The following MACROD2 variants were observed in gnomAD, a reference collection of about 807,000 sequenced individuals.
MACROD2 encodes the protein mono-ADP ribosylhydrolase 2.
A neutral mutation model predicts 70.4 loss-of-function variants in MACROD2; 36 were observed. The ratio of observed to expected loss-of-function variants is 0.51; its 90% confidence interval spans 0.39 to 0.68. The LOEUF (loss-of-function observed/expected upper bound fraction) is 0.68. MACROD2 is among the 30% of genes least tolerant of loss of function. The pLI is 0.00. For synonymous variants in MACROD2, 172 were observed against 178.8 expected, an observed-to-expected ratio of 0.96 and a Z score of 0.30; for missense variants, 496 against 538.4, an observed-to-expected ratio of 0.92 and a Z score of 0.78.
chr20:15,853,228 C>A (rs1477996123), intron 8 of MACROD2, among the ~76,000 whole-genome samples: 1 of 152,080 alleles, frequency 6.6e-6, no homozygotes, highest in Non-Finnish European at 1.5e-5. Flanking sequence ...TGCAAACAAG[C>A]AACTGATGTT....
At chr20:14,731,964 T>C (rs1488172065) in intron 5 of MACROD2, among the ~76,000 whole-genome samples, 3 of 152,202 alleles carry the variant, frequency 2.0e-5, no homozygotes, top group African/African-American at 7.2e-5. Flanking sequence ...ATCTGTATTG[T>C]TAATCTTTAC....
chr20:15,296,541 G>GT (rs1406473268), intron 6 of MACROD2, among the ~76,000 whole-genome samples: 1 of 151,992 alleles, frequency 6.6e-6, no homozygotes, highest in African/African-American at 2.4e-5. Context: ...AGGGAAGTGA[G>GT]TAGAGGCATA....
At chr20:14,308,933 G>A (rs1240859096) in intron 3 of MACROD2, among the ~76,000 whole-genome samples, 1 of 152,126 alleles carries the variant, frequency 6.6e-6, no homozygotes, top group African/African-American at 2.4e-5. Context: ...TCTAATGGAA[G>A]AGTTGGCTTT....
chr20:15,021,215 C>CACGTGTGTGT (rs2075174066), intron 5 of MACROD2, among the ~76,000 whole-genome samples: 4 of 14,356 alleles, frequency 2.8e-4, no homozygotes, highest in African/African-American at 8.1e-4. Flanking sequence ...TATGTATACA[C>CACGTGTGTGT]ATACAGGTGT....
intron 8 of MACROD2, among the ~76,000 whole-genome samples, chr20:15,519,345 C>T (rs1399840549): frequency 1.3e-5 from 2 of 151,988 alleles, no homozygotes; most frequent in Admixed American, 6.6e-5. Flanking sequence ...AGGATGGCCT[C>T]GATCTCCTTA....
intron 6 of MACROD2, among the ~76,000 whole-genome samples, chr20:15,243,976 G>C (rs907887716): frequency 6.6e-6 from 1 of 151,632 alleles, no homozygotes; most frequent in African/African-American, 2.4e-5. Flanking sequence ...TAAAACACAG[G>C]CTTTATTAAA....
chr20:14,996,280 TC>T (rs749509952), intron 5 of MACROD2, among the ~76,000 whole-genome samples: 22 of 152,154 alleles, frequency 1.4e-4, no homozygotes, highest in Non-Finnish European at 2.8e-4. Flanking sequence ...AATGGGAACT[TC>T]CGGAGGTCAG....
intron 9 of MACROD2, among the ~76,000 whole-genome samples, chr20:15,863,681 C>T (rs2064455394): frequency 6.6e-6 from 1 of 152,154 alleles, no homozygotes; most frequent in South Asian, 2.1e-4. Flanking sequence ...TTTGTCATAT[C>T]ACAGGTGACT....
chr20:15,012,978 C>G (rs2075094591), intron 5 of MACROD2, among the ~76,000 whole-genome samples: 2 of 152,146 alleles, frequency 1.3e-5, no homozygotes, highest in African/African-American at 4.8e-5. Context: ...AAGAGGAGAA[C>G]ACAAACCAGC....
chr20:14,854,739 G>A lies in MACROD2; in HGVS notation c.418+169780G>A, dbSNP rs548648430. 4.5e-4 allele frequency among the ~76,000 whole-genome samples: 68 copies of A among 152,178 alleles called. 1 individual carries two copies. In the South Asian group the frequency reaches 1.0e-2, roughly 22 times the overall value. ...TCTTTAAGAAAAAGACAAATGGGCC[G>A]GGCACGATGGCTCACGCCTATAATC... On this transcript the variant is annotated intron_variant, in intron 5 of 17. Coordinates refer to ENST00000684519, the MANE Select transcript of MACROD2 (RefSeq NM_001351661.2).
chr20:14,669,020 G>A (rs2070766756), intron 4 of MACROD2, among the ~76,000 whole-genome samples: 1 of 152,038 alleles, frequency 6.6e-6, no homozygotes, highest in East Asian at 1.9e-4. Flanking sequence ...GATGTCAAAA[G>A]GAATAATTGT....
At chr20:15,834,906 T>A (rs1353123662) in intron 8 of MACROD2, among the ~76,000 whole-genome samples, 1 of 152,144 alleles carries the variant, frequency 6.6e-6, no homozygotes. Context: ...TGGCTAACGA[T>A]GAGGCCAAGA....
chr20:15,698,886 C>T (rs1289405195), intron 8 of MACROD2, among the ~76,000 whole-genome samples: 1 of 152,174 alleles, frequency 6.6e-6, no homozygotes, highest in African/African-American at 2.4e-5. Context: ...CTTTCCAGAG[C>T]ATTTTGCATT....
intron 3 of MACROD2, among the ~76,000 whole-genome samples, chr20:14,251,969 A>T (rs2082016426): frequency 6.6e-6 from 1 of 152,032 alleles, no homozygotes; most frequent in South Asian, 2.1e-4. Flanking sequence ...TACTCACTTT[A>T]AAAAAATCCT....
At chr20:15,125,024 G>A (rs2076056624) in intron 5 of MACROD2, among the ~76,000 whole-genome samples, 1 of 152,080 alleles carries the variant, frequency 6.6e-6, no homozygotes, top group Admixed American at 6.6e-5. Flanking sequence ...GTAATTCTGT[G>A]AGTGAGGTGG....
Position 14,462,273 on chromosome 20 carries a change from T to G in MACROD2, c.272-31206T>G, listed in dbSNP as rs535664156. Among the ~76,000 whole-genome samples, 3 of 152,286 alleles carry G rather than the reference T, an allele frequency of 2.0e-5. No individual in the cohort carries two copies. In the South Asian group the frequency reaches 6.2e-4, roughly 32 times the overall value. On this transcript the variant is annotated intron_variant, in intron 3 of 17. Coordinates refer to ENST00000684519, the MANE Select transcript of MACROD2 (RefSeq NM_001351661.2). ...TCATTGTGGTTTTGATTTGCATTTC[T>G]CTGATGACCAGTGATGATGAGCATT...
intron 3 of MACROD2, among the ~76,000 whole-genome samples, chr20:14,170,802 T>G (rs1437881911): frequency 6.6e-6 from 1 of 152,132 alleles, no homozygotes; most frequent in Non-Finnish European, 1.5e-5. Flanking sequence ...TGGGCCTTAG[T>G]TTTCCTTTTT....
intron 5 of MACROD2, among the ~76,000 whole-genome samples, chr20:14,983,787 T>C (rs1667330110): frequency 6.6e-6 from 1 of 152,212 alleles, no homozygotes; most frequent in Admixed American, 6.5e-5. Context: ...TGTGCATGCC[T>C]ACACTTGTGT....
intron 3 of MACROD2, among the ~76,000 whole-genome samples, chr20:14,186,048 A>G (rs955122896): frequency 5.9e-5 from 9 of 152,126 alleles, no homozygotes; most frequent in Non-Finnish European, 8.8e-5. Flanking sequence ...CCCCAGGTGT[A>G]TAGCTCTATC....
Sources: allele counts gnomAD v4.1 joint callset (sites outside exome capture counted in the v4.1 genomes callset), GRCh38; gene constraint gnomAD v4.1.1; transcripts MANE v1.5; gene names NCBI Gene and HGNC (gene_info 2026-07-23, HGNC 2026-07-21).